DNAH9: variants seen among roughly 807,000 people sequenced by gnomAD.
The protein encoded by DNAH9 is dynein axonemal heavy chain 9, also known as DNAH9 variant protein.
Under a neutral mutation model 471.6 loss-of-function variants are expected in DNAH9, and 345 were observed. That is an observed-to-expected ratio of 0.73 (90% CI 0.67 to 0.80). The LOEUF is 0.80. Ranked by LOEUF, DNAH9 falls within the 30% of genes least tolerant of loss-of-function variation. DNAH9 has a pLI of 0.00. For synonymous variants in DNAH9, 2,093 were observed against 2,123.6 expected (o/e 0.99, Z 0.40); for missense variants, 5,407 against 5,609.2 (o/e 0.96, Z 1.15).
intron 48 of DNAH9, among the ~76,000 whole-genome samples, chr17:11,833,194 A>G (rs1050511701): frequency 6.6e-6 from 1 of 152,188 alleles, no homozygotes. Flanking sequence ...CCATCACTTT[A>G]TTACTGCCTC....
chr17:11,893,794 G>A (rs893325717), intron 58 of DNAH9, among the ~76,000 whole-genome samples: 1 of 152,144 alleles, frequency 6.6e-6, no homozygotes, highest in African/African-American at 2.4e-5. Flanking sequence ...CAGGTTGACA[G>A]GTGCAGCAAA....
In DNAH9 at chr17:11,793,633, T is replaced by G; in HGVS notation, c.8192T>G (p.Ile2731Ser). The change falls in exon 42 of 69, where the codon ATC becomes AGC. Residue 2731 changes from isoleucine to serine, a missense_variant. Ile to Ser is a moderately radical substitution (Grantham distance 142, BLOSUM62 -2). This residue lies in a region of DNAH9 where 4,636 missense variants were observed against 4,900.3 expected (regional missense o/e 0.95). Coordinates refer to ENST00000262442, the MANE Select transcript of DNAH9 (RefSeq NM_001372.4). ...AAGGACTTTGATCTTTTTGATAAAA[T>G]CCAGACAGAAGTGCTCAAGAAAACT... is the stretch of plus-strand genomic sequence containing the variant. Reference protein sequence around the residue: ...EEKDFDLFDKIQTEVLKKTFD... With the variant: ...EEKDFDLFDKSQTEVLKKTFD... 3 of 1,613,358 alleles carry G rather than the reference T, an allele frequency of 1.9e-6. No individual in the cohort carries two copies. Among genetic ancestry groups the G allele is most frequent in the Non-Finnish European group, 2.5e-6 (3 of 1,179,856 alleles).
At chr17:11,652,734 A>G in intron 13 of DNAH9, 27 bp from the exon 14 acceptor site, 1 of 1,608,138 alleles carries the variant, frequency 6.2e-7, no homozygotes, top group South Asian at 1.1e-5. Context: ...GGCTATTTCA[A>G]TTAATTATGT....
rs376172635 is a variant in DNAH9, at chr17:11,608,206, C to G, written c.495C>G (p.His165Gln). The change falls in exon 2 of 69, where the codon CAC becomes CAG. Residue 165 changes from histidine to glutamine, a missense_variant. Physicochemically the swap from His to Gln is conservative, Grantham distance 24. Coordinates refer to ENST00000262442, the MANE Select transcript of DNAH9 (RefSeq NM_001372.4). ...PHMICEDVRR[H>Q]AHSLQCDLSV... ...TGATATGTGAGGATGTCAGGCGGCA[C>G]GCCCACAGCCTCCAATGTGACCTCT... 4 of 1,613,898 alleles carry G rather than the reference C, an allele frequency of 2.5e-6. No homozygotes were observed. Among genetic ancestry groups the G allele is most frequent in the Non-Finnish European group, 3.4e-6 (4 of 1,179,802 alleles).
At chr17:11,750,313 C>A (rs1465427771) in intron 32 of DNAH9, among the ~76,000 whole-genome samples, 1 of 151,932 alleles carries the variant, frequency 6.6e-6, no homozygotes, top group African/African-American at 2.4e-5. Context: ...GAATACAAAT[C>A]AACAGGTTAT....
At chr17:11,853,921 C>T in intron 49 of DNAH9, 82 bp from the exon 50 acceptor site, 1 of 1,386,770 alleles carries the variant, frequency 7.2e-7, no homozygotes, top group Non-Finnish European at 9.9e-7. Flanking sequence ...AAACCGATCG[C>T]TCCACAACCT....
intron 49 of DNAH9, among the ~76,000 whole-genome samples, chr17:11,837,046 A>G (rs1292514697): frequency 6.6e-6 from 1 of 152,216 alleles, no homozygotes; most frequent in East Asian, 1.9e-4. Context: ...CTAACAGATG[A>G]TAGCTACACA....
chr17:11,728,916 T>A (rs1359951963), intron 28 of DNAH9, among the ~76,000 whole-genome samples: 4 of 152,194 alleles, frequency 2.6e-5, no homozygotes, highest in Non-Finnish European at 4.4e-5. Context: ...AAGGTTGGTA[T>A]GTGCACCCTG....
At chr17:11,726,725 T>C (rs1186099944) in intron 27 of DNAH9, among the ~76,000 whole-genome samples, 1 of 152,160 alleles carries the variant, frequency 6.6e-6, no homozygotes, top group Non-Finnish European at 1.5e-5. Context: ...GTCCAGCACA[T>C]GATCGGTGCA....
chr17:11,897,206 T>C lies in DNAH9; in HGVS notation c.11406+2710T>C, dbSNP rs543591833. ...ACTAAGATATTGTGTACTTTTATAC[T>C]AAGCCTTTGAAATCTGGTGAATATT... On this transcript the variant is annotated intron_variant, in intron 59 of 68. Coordinates refer to ENST00000262442, the MANE Select transcript of DNAH9 (RefSeq NM_001372.4). 3.3e-3 allele frequency among the ~76,000 whole-genome samples: 496 copies of C among 152,372 alleles called. 2 individuals carry two copies. The highest frequency in any genetic ancestry group is 6.8e-3 in the Middle Eastern group (2 of 294).
intron 11 of DNAH9, among the ~76,000 whole-genome samples, chr17:11,645,040 CAA>C (rs1374654624): frequency 2.0e-5 from 3 of 152,154 alleles, no homozygotes. Flanking sequence ...GCATGCTGCA[CAA>C]AGAGGCAATA....
In DNAH9 at chr17:11,797,695, G is replaced by A; in HGVS notation, c.8322G>A (p.Trp2774Ter). The change falls in exon 43 of 69, where the codon TGG (tryptophan) becomes TGA (stop). Residue 2774 changes from tryptophan to a stop codon, truncating the protein, a stop_gained. Transcript: ENST00000262442. LOFTEE classifies it high-confidence loss of function. Reference protein sequence around the residue: ...GEPKYMPVQSWELLTQTLVEA... With the variant: ...GEPKYMPVQS ...CCAAATACATGCCTGTACAGTCTTG[G>A]GAACTTTTGACCCAGACTCTGGTGG... is the stretch of plus-strand genomic sequence containing the variant. 6.2e-7 allele frequency: 1 copy of A among 1,614,136 alleles called. No individual in the cohort carries two copies. The highest frequency in any genetic ancestry group is 1.1e-5 in the South Asian group (1 of 91,078).
intron 11 of DNAH9, among the ~76,000 whole-genome samples, chr17:11,645,047 G>A (rs17600656): frequency 0.34 from 51,438 of 152,084 alleles, 8,933 homozygotes; most frequent in Middle Eastern, 0.43. Context: ...GCACAAAGAG[G>A]CAATAAGTTT....
intron 35 of DNAH9, among the ~76,000 whole-genome samples, chr17:11,762,788 T>TTTTTTTTTTTTTTTTTTTTG (rs1597610213): frequency 8.3e-6 from 1 of 121,182 alleles, no homozygotes; most frequent in African/African-American, 3.2e-5. Flanking sequence ...TTTTTTTTTT[T>TTTTTTTTTTTTTTTTTTTTG]TTTTTTTTTG....
chr17:11,886,756 G>A, intron 56 of DNAH9, 69 bp from the exon 57 acceptor site: 1 of 1,537,440 alleles, frequency 6.5e-7, no homozygotes, highest in Non-Finnish European at 8.8e-7. Flanking sequence ...CTCACACAGA[G>A]GGGCCAAGTT....
chr17:11,956,417 A>T (rs1205511734), intron 67 of DNAH9, among the ~76,000 whole-genome samples: 2 of 152,176 alleles, frequency 1.3e-5, no homozygotes, highest in Non-Finnish European at 2.9e-5. Flanking sequence ...TCCTCTCTCA[A>T]TATTTAGTAG....
chr17:11,925,027 C>T (rs1360723201), intron 62 of DNAH9: 10 of 358,944 alleles, frequency 2.8e-5, no homozygotes. Context: ...CACTTGTATA[C>T]ATGCTGGAGT....
chr17:11,729,299 C>A (rs531588909), intron 28 of DNAH9, among the ~76,000 whole-genome samples: 2 of 152,224 alleles, frequency 1.3e-5, no homozygotes, highest in Admixed American at 6.5e-5. Flanking sequence ...CTGAGCACCC[C>A]CCTTCTCCTG....
At chr17:11,753,718 G>C (rs902673012) in intron 33 of DNAH9, among the ~76,000 whole-genome samples, 1 of 152,202 alleles carries the variant, frequency 6.6e-6, no homozygotes, top group Non-Finnish European at 1.5e-5. Flanking sequence ...AGCTTGTTTA[G>C]AGAGCATGTC....
Sources: allele counts gnomAD v4.1 joint callset (sites outside exome capture counted in the v4.1 genomes callset), GRCh38; gene constraint gnomAD v4.1.1; regional missense constraint gnomAD v4.1.1; transcripts MANE v1.5; gene names NCBI Gene and HGNC (gene_info 2026-07-23, HGNC 2026-07-21).